The following KIAA1217 variants were observed in gnomAD, a reference collection of about 807,000 sequenced individuals.
KIAA1217 encodes the protein sickle tail protein homolog.
In KIAA1217, 88 loss-of-function variants were observed where a neutral mutation model predicts 163.9. That is an observed-to-expected ratio of 0.54 (90% CI 0.45 to 0.64). KIAA1217 has a LOEUF of 0.64. Ranked by LOEUF, KIAA1217 falls within the 30% of genes least tolerant of loss-of-function variation. The pLI is 0.00. For synonymous variants in KIAA1217, 903 were observed against 923.1 expected (o/e 0.98, Z 0.39); for missense variants, 2,372 against 2,475.0 (o/e 0.96, Z 0.88).
At chr10:23,907,456 T>C (rs946540250) in intron 1 of KIAA1217, among the ~76,000 whole-genome samples, 3 of 152,038 alleles carry the variant, frequency 2.0e-5, no homozygotes, top group Non-Finnish European at 4.4e-5. Flanking sequence ...ATCTGCATGC[T>C]GGAGAACCAG....
chr10:23,757,860 A>T (rs555705681), intron 1 of KIAA1217, among the ~76,000 whole-genome samples: 67 of 152,318 alleles, frequency 4.4e-4, no homozygotes, highest in African/African-American at 1.4e-3. Flanking sequence ...CTTATTTGGA[A>T]AAATGTCTAT....
At chr10:23,989,868 T>C (rs1197615283) in intron 1 of KIAA1217, among the ~76,000 whole-genome samples, 2 of 152,194 alleles carry the variant, frequency 1.3e-5, no homozygotes. Flanking sequence ...TGACTGCACA[T>C]TGCTTCATCT....
In KIAA1217 at chr10:24,402,523, C is replaced by CAAA. The variant is rs1173653514; in HGVS notation, c.553+21458_553+21460dup. ...GACTCCCTCTCAAAAAAACAAAAAA[C>CAAA]AAAACAAAAAAAAAAAAAAGGCAAA... is the stretch of plus-strand genomic sequence containing the variant. On this transcript the variant is annotated intron_variant, in intron 3 of 20. Transcript: ENST00000376454. Among the ~76,000 whole-genome samples the CAAA allele has an allele frequency of 1.3e-3, 93 of 71,016 alleles. 3 individuals carry two copies. The highest frequency in any genetic ancestry group is 3.1e-3 in the African/African-American group (66 of 21,456). 46.6% of individuals were successfully genotyped at this position (71,016 alleles called of 152,430 possible).
At chr10:23,809,760 C>T (rs1039320865) in intron 1 of KIAA1217, among the ~76,000 whole-genome samples, 7 of 151,944 alleles carry the variant, frequency 4.6e-5, no homozygotes, top group Admixed American at 3.9e-4. Context: ...AAATCACTTA[C>T]AATAGTATCA....
intron 2 of KIAA1217, among the ~76,000 whole-genome samples, chr10:24,192,922 G>A (rs1008040733): frequency 3.3e-5 from 5 of 152,106 alleles, no homozygotes; most frequent in African/African-American, 1.2e-4. Context: ...TGGTACTACA[G>A]GCATGTGCCA....
intron 1 of KIAA1217, among the ~76,000 whole-genome samples, chr10:23,916,394 T>C (rs1010829211): frequency 1.3e-4 from 20 of 152,170 alleles, no homozygotes; most frequent in African/African-American, 4.8e-4. Context: ...CCCGGCTCAG[T>C]TGGTTCCTTT....
chr10:23,960,168 G>A (rs1251371362), intron 1 of KIAA1217, among the ~76,000 whole-genome samples: 1 of 152,024 alleles, frequency 6.6e-6, no homozygotes, highest in East Asian at 1.9e-4. Context: ...GCCCACCTGG[G>A]CCTCCCAAAG....
intron 2 of KIAA1217, among the ~76,000 whole-genome samples, chr10:24,362,262 A>C (rs1256385749): frequency 6.6e-6 from 1 of 152,150 alleles, no homozygotes; most frequent in Non-Finnish European, 1.5e-5. Context: ...GGCTTAAGGA[A>C]ATTAAAGAGC....
rs1407547627 is a variant in KIAA1217 at position 24,268,851 on chromosome 10, T to C, written c.354+48942T>C. Among the ~76,000 whole-genome samples the C allele has an allele frequency of 3.4e-3, 454 of 133,586 alleles. 3 individuals are homozygous for C. Among genetic ancestry groups the C allele is most frequent in the South Asian group, 0.016 (60 of 3,812 alleles). The allele number at this position is 133,586 out of a possible 152,430, so 87.6% of individuals were successfully genotyped here. On this transcript the variant is annotated intron_variant, in intron 2 of 20. Transcript: ENST00000376454. ...TAGACTGGATTAAGAAAATGTGGCA[T>C]ATATACACCATGGAATACTATGCAG...
chr10:24,337,373 C>A (rs1016557735), intron 2 of KIAA1217, among the ~76,000 whole-genome samples: 2 of 152,122 alleles, frequency 1.3e-5, no homozygotes, highest in Admixed American at 1.3e-4. Context: ...ACATATCACA[C>A]CCCATCCTAA....
chr10:23,831,795 T>C (rs1279760832), intron 1 of KIAA1217, among the ~76,000 whole-genome samples: 1 of 152,222 alleles, frequency 6.6e-6, no homozygotes, highest in Non-Finnish European at 1.5e-5. Flanking sequence ...TTAAATAGTA[T>C]ACATTGCTTC....
At chr10:23,780,024 A>T (rs144805718) in intron 1 of KIAA1217, among the ~76,000 whole-genome samples, 1 of 152,308 alleles carries the variant, frequency 6.6e-6, no homozygotes, top group African/African-American at 2.4e-5. Flanking sequence ...GCACCCTATG[A>T]TGTTCATAGG....
intron 2 of KIAA1217, chr10:24,158,225 G>T: frequency 1.4e-6 from 1 of 731,652 alleles, no homozygotes; most frequent in Admixed American, 1.8e-5. Flanking sequence ...CCTGGAACAG[G>T]GCAAAGTACG....
intron 2 of KIAA1217, among the ~76,000 whole-genome samples, chr10:24,089,548 A>C (rs1462728253): frequency 6.6e-6 from 1 of 150,832 alleles, no homozygotes; most frequent in East Asian, 1.9e-4. Flanking sequence ...TTTATTAAAT[A>C]GGGAATCCTT....
chr10:24,527,966 CA>C lies in KIAA1217; in HGVS notation c.2933del (p.Asn978IlefsTer14), dbSNP rs775529160. 1 of 1,613,898 alleles carries C rather than the reference CA, an allele frequency of 6.2e-7. No individual in the cohort carries two copies. The highest frequency in any genetic ancestry group is 8.5e-7 in the Non-Finnish European group (1 of 1,179,976). ...KAEKKWEEKR[Q>X]NLDHYNGKEF... ...AGAAAAGAAATGGGAGGAAAAAAGG[CA>C]AAATCTGGATCACTATAATGGGAAA... On this transcript the variant is annotated frameshift_variant, in exon 14 of 21. Transcript: ENST00000376454. LOFTEE classifies it high-confidence loss of function.
At chr10:23,946,403 T>G (rs1186300921) in intron 1 of KIAA1217, among the ~76,000 whole-genome samples, 1 of 152,184 alleles carries the variant, frequency 6.6e-6, no homozygotes, top group Non-Finnish European at 1.5e-5. Flanking sequence ...CTTCCTGATT[T>G]ATTTCAGGGG....
At position 24,531,629 on chromosome 10, in the gene KIAA1217, G is replaced by A. The variant is rs1592709389; in HGVS notation, c.3083-201G>A. Among the ~76,000 whole-genome samples, 6 of 152,282 alleles carry A rather than the reference G, an allele frequency of 3.9e-5. No homozygotes were observed. In the South Asian group the frequency reaches 1.2e-3, roughly 32 times the overall value. ...TTTAACAGATGAGAAAACTGAGACC[G>A]AGAGAGGTTTAGTAACTTGTGCAGG... On this transcript the variant is annotated intron_variant, in intron 14 of 20. Transcript: ENST00000376454.
intron 9 of KIAA1217, among the ~76,000 whole-genome samples, chr10:24,507,768 G>T (rs2068559780): frequency 6.6e-6 from 1 of 152,116 alleles, no homozygotes; most frequent in Non-Finnish European, 1.5e-5. Context: ...TGAACCCCTA[G>T]AATGGTAAGC....
chr10:24,394,953 C>T (rs562141132), intron 3 of KIAA1217, among the ~76,000 whole-genome samples: 3 of 152,294 alleles, frequency 2.0e-5, no homozygotes, highest in Admixed American at 2.0e-4. Flanking sequence ...GCCCTACCTC[C>T]TGAGTTTCTG....
Sources: allele counts gnomAD v4.1 joint callset (sites outside exome capture counted in the v4.1 genomes callset), GRCh38; gene constraint gnomAD v4.1.1; transcripts MANE v1.5; gene names NCBI Gene and HGNC (gene_info 2026-07-23, HGNC 2026-07-21).